QRFPR: variants seen among roughly 807,000 people sequenced by gnomAD.
The protein encoded by QRFPR is pyroglutamylated RF-amide peptide receptor.
A neutral mutation model predicts 31.3 loss-of-function variants in QRFPR; 37 were observed. That is an observed-to-expected ratio of 1.18 (90% CI 0.91 to 1.56). The LOEUF is 1.56. Among genes scored for constraint, QRFPR ranks in the 40% most tolerant of loss-of-function variants. The probability of loss-of-function intolerance (pLI) is 0.00; values close to 1 mark genes in which losing one functional copy is unlikely to be tolerated. For synonymous variants in QRFPR, 197 were observed against 192.0 expected, an observed-to-expected ratio of 1.03 and a Z score of -0.22; for missense variants, 542 against 532.5, an observed-to-expected ratio of 1.02 and a Z score of -0.18.
intron 1 of QRFPR, among the ~76,000 whole-genome samples, chr4:121,353,336 A>G (rs1725799398): frequency 6.6e-6 from 1 of 152,040 alleles, no homozygotes; most frequent in South Asian, 2.1e-4. Context: ...TTCCACCAAC[A>G]GTGTATGAGG....
rs1327912388 is a variant in QRFPR at position 121,329,408 on chromosome 4, C to T, written c.1202G>A (p.Cys401Tyr). The T allele has an allele frequency of 1.2e-6, 2 of 1,614,038 alleles. No homozygotes were observed. Among genetic ancestry groups the T allele is most frequent in the Non-Finnish European group, 1.7e-6 (2 of 1,180,006 alleles). The change falls in exon 6 of 6, where the codon TGT becomes TAT. Residue 401 changes from cysteine to tyrosine, a missense_variant. Cys to Tyr is a radical substitution (Grantham distance 194). Coordinates refer to ENST00000394427, the MANE Select transcript of QRFPR (RefSeq NM_198179.3). ...CTTTTTCTTCTCCTCTGTCTGTTCA[C>T]ACAATTTGACTTCAATGTTGCCATC... ...FSDGNIEVKLCEQTEEKKKLK... is the reference protein window; with the variant it reads ...FSDGNIEVKLYEQTEEKKKLK...
chr4:121,378,318 T>C (rs1166919314), intron 1 of QRFPR, among the ~76,000 whole-genome samples: 1 of 151,222 alleles, frequency 6.6e-6, no homozygotes, highest in Non-Finnish European at 1.5e-5. Context: ...AGTGCCCAAA[T>C]AAGCCCTGAG....
intron 4 of QRFPR, among the ~76,000 whole-genome samples, chr4:121,331,103 C>A (rs1459533565): frequency 2.2e-5 from 3 of 138,136 alleles, no homozygotes; most frequent in Non-Finnish European, 3.1e-5. Context: ...GCATCTCTAC[C>A]AAAAAAAAAT....
At chr4:121,349,551 C>T (rs1013598695) in intron 1 of QRFPR, among the ~76,000 whole-genome samples, 2 of 152,188 alleles carry the variant, frequency 1.3e-5, no homozygotes, top group South Asian at 4.2e-4. Context: ...GAAGCTTGTT[C>T]TTGATTTATG....
intron 1 of QRFPR, among the ~76,000 whole-genome samples, chr4:121,378,606 G>A (rs1026679335): frequency 3.3e-5 from 5 of 151,914 alleles, no homozygotes; most frequent in Non-Finnish European, 2.9e-5. Context: ...TGTATTTTTA[G>A]TAGAGACGGG....
chr4:121,371,151 CTT>C (rs377516879), intron 1 of QRFPR, among the ~76,000 whole-genome samples: 17 of 152,170 alleles, frequency 1.1e-4, no homozygotes, highest in African/African-American at 3.6e-4. Flanking sequence ...AACATGCTGT[CTT>C]TTAAGATTTC....
chr4:121,380,493 C>G lies in QRFPR; in HGVS notation c.155G>C (p.Gly52Ala). ...GRAKLALVLTGVLIFALALFG... is the reference protein window; with the variant it reads ...GRAKLALVLTAVLIFALALFG... ...GAGCGCCAGGGCGAAGATGAGCACG[C>G]CGGTGAGCACGAGGGCCAGCTTGGC... Residue 52 changes from glycine to alanine, a missense_variant, in exon 1 of 6, where the codon GGC (glycine) becomes GCC (alanine). Physicochemically the swap from Gly to Ala is moderately conservative, Grantham distance 60. Transcript: ENST00000394427. 2 of 1,614,164 alleles carry G rather than the reference C, an allele frequency of 1.2e-6. No homozygotes were observed. Among genetic ancestry groups the G allele is most frequent in the Non-Finnish European group, 8.5e-7 (1 of 1,179,990 alleles).
chr4:121,348,815 C>T (rs1252621693), intron 1 of QRFPR, among the ~76,000 whole-genome samples: 5 of 151,988 alleles, frequency 3.3e-5, no homozygotes, highest in African/African-American at 7.2e-5. Context: ...ATCCTGGTTA[C>T]GGCCGGGTGC....
intron 1 of QRFPR, among the ~76,000 whole-genome samples, chr4:121,375,735 C>T (rs986998898): frequency 1.3e-5 from 2 of 152,144 alleles, no homozygotes; most frequent in African/African-American, 4.8e-5. Context: ...TGCTAAGCTT[C>T]AGTGGACACT....
intron 1 of QRFPR, among the ~76,000 whole-genome samples, chr4:121,364,385 C>A (rs1240742019): frequency 6.7e-6 from 1 of 150,020 alleles, no homozygotes; most frequent in East Asian, 2.0e-4. Flanking sequence ...GCCTGTAATC[C>A]CAGCACTTTG....
chr4:121,336,998 C>T (rs1348282543), intron 2 of QRFPR, 130 bp from the exon 3 acceptor site: 1 of 788,912 alleles, frequency 1.3e-6, no homozygotes, highest in Non-Finnish European at 2.2e-6. Context: ...CCATGGTCTC[C>T]CCCAAGTTTC....
At chr4:121,377,415 T>TA (rs1560748166) in intron 1 of QRFPR, among the ~76,000 whole-genome samples, 51 of 71,558 alleles carry the variant, frequency 7.1e-4, no homozygotes, top group East Asian at 4.0e-3. Context: ...ATATATATAT[T>TA]TTTTTTTTTT....
intron 1 of QRFPR, among the ~76,000 whole-genome samples, chr4:121,355,901 A>G (rs541776372): frequency 1.3e-5 from 2 of 152,116 alleles, no homozygotes; most frequent in Non-Finnish European, 2.9e-5. Flanking sequence ...TTCTAGTTTT[A>G]TTCCATGGTG....
chr4:121,332,739 G>T (rs78703124), intron 4 of QRFPR, 82 bp downstream of exon 4: 39,028 of 1,047,150 alleles, frequency 0.037, 908 homozygotes, highest in South Asian at 0.063. Flanking sequence ...TTACCTAGAG[G>T]TTCTGAGAGC....
chr4:121,353,450 G>T (rs934213966), intron 1 of QRFPR, among the ~76,000 whole-genome samples: 3 of 152,044 alleles, frequency 2.0e-5, no homozygotes, highest in Non-Finnish European at 4.4e-5. Flanking sequence ...GTTTTCATTT[G>T]TGGTTCTCCA....
At chr4:121,333,658 G>A (rs894343755) in intron 3 of QRFPR, among the ~76,000 whole-genome samples, 33 of 152,138 alleles carry the variant, frequency 2.2e-4, no homozygotes, top group African/African-American at 8.0e-4. Context: ...TATTCAGATT[G>A]TACCTGCTGG....
chr4:121,351,277 G>A (rs902883746), intron 1 of QRFPR, among the ~76,000 whole-genome samples: 3 of 152,088 alleles, frequency 2.0e-5, no homozygotes, highest in Admixed American at 6.6e-5. Context: ...CAGACTTTTA[G>A]GTTTTACTTT....
intron 1 of QRFPR, among the ~76,000 whole-genome samples, chr4:121,364,405 G>A (rs375111704): frequency 6.7e-6 from 1 of 150,104 alleles, no homozygotes; most frequent in Non-Finnish European, 1.5e-5. Context: ...GGGAGGCCGA[G>A]GCGGGTGGAT....
intron 1 of QRFPR, among the ~76,000 whole-genome samples, chr4:121,375,448 C>G (rs1261386356): frequency 6.6e-6 from 1 of 152,180 alleles, no homozygotes; most frequent in Non-Finnish European, 1.5e-5. Flanking sequence ...CCTGCAATAT[C>G]CCAGTGCACA....
Sources: allele counts gnomAD v4.1 joint callset (sites outside exome capture counted in the v4.1 genomes callset), GRCh38; gene constraint gnomAD v4.1.1; transcripts MANE v1.5; gene names NCBI Gene and HGNC (gene_info 2026-07-23, HGNC 2026-07-21).